Variants in DUSP16 observed in about 807,000 individuals in gnomAD.
DUSP16 encodes the protein dual specificity protein phosphatase 16.
Under a neutral mutation model 58.3 loss-of-function variants are expected in DUSP16, and 21 were observed. The ratio of observed to expected loss-of-function variants is 0.36; its 90% CI spans 0.26 to 0.52. DUSP16 has a LOEUF of 0.52. Ranked by LOEUF, DUSP16 falls within the 20% of genes least tolerant of loss-of-function variation. The probability of loss-of-function intolerance (pLI) is 0.94; values close to 1 mark genes in which losing one functional copy is unlikely to be tolerated. For missense variants in DUSP16, 726 were observed against 819.0 expected (o/e 0.89, Z 1.39); for synonymous variants, 320 against 323.8 (o/e 0.99, Z 0.12).
chr12:12,532,795 A>C (rs1351210193), intron 1 of DUSP16, among the ~76,000 whole-genome samples: 4 of 152,090 alleles, frequency 2.6e-5, no homozygotes, highest in Admixed American at 6.6e-5. Flanking sequence ...TAAAAATACA[A>C]AACTTAGCTG....
chr12:12,520,566 A>T (rs988996791), intron 2 of DUSP16, among the ~76,000 whole-genome samples: 4 of 152,244 alleles, frequency 2.6e-5, no homozygotes, highest in African/African-American at 9.6e-5. Context: ...GAAAAGAATG[A>T]CTTTCCTTTC....
intron 1 of DUSP16, among the ~76,000 whole-genome samples, chr12:12,538,234 A>G (rs1272775996): frequency 1.3e-5 from 2 of 152,138 alleles, no homozygotes; most frequent in East Asian, 3.8e-4. Context: ...AGTTGTCAAG[A>G]CCTACTGATT....
At chr12:12,553,285 ATATG>A (rs2136270180) in intron 1 of DUSP16, among the ~76,000 whole-genome samples, 1 of 152,304 alleles carries the variant, frequency 6.6e-6, no homozygotes, top group Non-Finnish European at 1.5e-5. Context: ...ACTTTTAAGT[ATATG>A]TATACAAGAG....
chr12:12,558,467 G>A (rs1944844338), intron 1 of DUSP16, among the ~76,000 whole-genome samples: 1 of 151,000 alleles, frequency 6.6e-6, no homozygotes, highest in Non-Finnish European at 1.5e-5. Flanking sequence ...CTGCAGCCTT[G>A]ACCTCCCAGG....
chr12:12,540,752 A>C (rs927814361), intron 1 of DUSP16, among the ~76,000 whole-genome samples: 3 of 151,948 alleles, frequency 2.0e-5, no homozygotes, highest in African/African-American at 7.3e-5. Context: ...ATCTCTTTGT[A>C]TTCACAAATA....
chr12:12,490,297 A>G (rs1370393935), intron 4 of DUSP16, among the ~76,000 whole-genome samples: 1 of 152,236 alleles, frequency 6.6e-6, no homozygotes, highest in Non-Finnish European at 1.5e-5. Flanking sequence ...TTTTTAGCTT[A>G]AAAGGTCTAT....
At chr12:12,560,788 C>T (rs1944887060) in intron 1 of DUSP16, 1 of 152,158 alleles carries the variant, frequency 6.6e-6, no homozygotes, top group African/African-American at 2.4e-5. Flanking sequence ...AAGCCCTTTT[C>T]TTGATGGAGG....
intron 4 of DUSP16, among the ~76,000 whole-genome samples, chr12:12,488,685 T>C (rs1317435819): frequency 3.3e-5 from 5 of 152,224 alleles, no homozygotes; most frequent in Non-Finnish European, 7.3e-5. Flanking sequence ...TGAAAGAAAA[T>C]GGGCAATTTT....
rs531336672 is a variant in DUSP16 at position 12,516,578 on chromosome 12, AT to A, written c.367+3283del. Among the ~76,000 whole-genome samples, 74 of 152,328 alleles carry A rather than the reference AT, an allele frequency of 4.9e-4. 1 individual carries two copies. Among genetic ancestry groups the A allele is most frequent in the Admixed American group, 7.8e-4 (12 of 15,296 alleles). On this transcript the variant is annotated intron_variant, in intron 3 of 6. Transcript: ENST00000298573. ...ATTAGCACTGTTTCACTACAGCAGC[AT>A]TTTCATCAGATTTTAATACCATCTT...
At position 12,474,839 on chromosome 12, in the gene DUSP16, TACATA is replaced by T. The variant is rs762440550; in HGVS notation, c.*1989_*1993del. 1 of 152,238 alleles carries T rather than the reference TACATA, an allele frequency of 6.6e-6. No individual in the cohort carries two copies. Among genetic ancestry groups the T allele is most frequent in the Non-Finnish European group, 1.5e-5 (1 of 68,050 alleles). The allele number at this position is 152,238 out of a possible 1,614,324, so 9.4% of individuals were successfully genotyped here. A position where few individuals can be genotyped will look rare whatever the true frequency, so the allele number is the denominator to read the frequency against. On this transcript the variant is annotated 3_prime_UTR_variant, in exon 7 of 7. Coordinates refer to ENST00000298573, the MANE Select transcript of DUSP16 (RefSeq NM_030640.3). ...AACTGTTACACATTTGGTGTGTGTGTACATAACATCAAAAACTACTGTGTGAAACT... is the reference window on the plus strand; with the variant it reads ...AACTGTTACACATTTGGTGTGTGTGTACATCAAAAACTACTGTGTGAAACT...
intron 4 of DUSP16, among the ~76,000 whole-genome samples, chr12:12,490,523 G>T (rs76655920): frequency 2.6e-5 from 4 of 152,264 alleles, no homozygotes; most frequent in Admixed American, 2.6e-4. Context: ...AGTTAAGGGG[G>T]AAATCATTAA....
intron 1 of DUSP16, chr12:12,560,727 A>T (rs1395512166): frequency 2.6e-5 from 4 of 152,248 alleles, no homozygotes; most frequent in African/African-American, 7.2e-5. Flanking sequence ...AAGAGTAATT[A>T]ATTCAATTGG....
chr12:12,495,977 C>T (rs1943822147), intron 4 of DUSP16, among the ~76,000 whole-genome samples: 1 of 152,162 alleles, frequency 6.6e-6, no homozygotes, highest in African/African-American at 2.4e-5. Context: ...ACATGAACAC[C>T]AGGAGGCCGG....
chr12:12,488,496 A>G (rs1443768781), intron 4 of DUSP16, among the ~76,000 whole-genome samples: 1 of 152,176 alleles, frequency 6.6e-6, no homozygotes, highest in African/African-American at 2.4e-5. Context: ...AATCTGTTCA[A>G]CTGACATCCA....
intron 4 of DUSP16, among the ~76,000 whole-genome samples, chr12:12,494,346 C>A (rs1439499563): frequency 6.6e-6 from 1 of 152,114 alleles, no homozygotes; most frequent in East Asian, 1.9e-4. Flanking sequence ...TAGGATATAA[C>A]TATTTATTTT....
Position 12,473,682 on chromosome 12 carries a change from T to G in DUSP16, c.*3151A>C, listed in dbSNP as rs1943358675. On this transcript the variant is annotated 3_prime_UTR_variant, in exon 7 of 7. Transcript: ENST00000298573. ...ATATTCCATCTGTTTGCACTGAAGC[T>G]TTATTCCTTCAATGCCTAATTTTTA... Among the ~76,000 whole-genome samples, 1 of 152,202 alleles carries G rather than the reference T, an allele frequency of 6.6e-6. No individual in the cohort carries two copies. The highest frequency in any genetic ancestry group is 6.5e-5 in the Admixed American group (1 of 15,282).
At chr12:12,532,925 G>C (rs1394159501) in intron 1 of DUSP16, among the ~76,000 whole-genome samples, 1 of 150,334 alleles carries the variant, frequency 6.7e-6, no homozygotes, top group Non-Finnish European at 1.5e-5. Flanking sequence ...TCCAGCCTGG[G>C]GGACGAGAGC....
intron 5 of DUSP16, among the ~76,000 whole-genome samples, chr12:12,482,286 AAAG>A (rs746946889): frequency 2.0e-4 from 30 of 152,344 alleles, no homozygotes; most frequent in East Asian, 7.7e-4. Flanking sequence ...TTTAATAAAA[AAAG>A]AAGAAGGCTG....
At chr12:12,544,611 C>T (rs138460566) in intron 1 of DUSP16, among the ~76,000 whole-genome samples, 1 of 150,968 alleles carries the variant, frequency 6.6e-6, no homozygotes, top group Non-Finnish European at 1.5e-5. Flanking sequence ...TACACCCATG[C>T]TGATACTGGT....
Sources: gnomAD v4.1 joint callset for allele counts (sites outside exome capture counted in the v4.1 genomes callset) on GRCh38, gnomAD v4.1.1 for gene constraint, MANE v1.5 for transcripts, NCBI Gene and HGNC (gene_info 2026-07-23, HGNC 2026-07-21) for gene names.